NEK11: variants seen among roughly 807,000 people sequenced by gnomAD.
The protein encoded by NEK11 is serine/threonine-protein kinase Nek11.
A neutral mutation model predicts 80.7 loss-of-function variants in NEK11; 72 were observed. That is an observed-to-expected ratio of 0.89 (90% confidence interval 0.74 to 1.08). The LOEUF is 1.08. Ranked by LOEUF, NEK11 falls within the 50% of genes least tolerant of loss-of-function variation. NEK11 has a pLI of 0.00. For synonymous variants in NEK11, 251 were observed against 260.7 expected (o/e 0.96, Z 0.36); for missense variants, 764 against 763.6 (o/e 1.00, Z -0.01).
chr3:131,149,711 G>A (rs1460812755), intron 7 of NEK11, among the ~76,000 whole-genome samples: 1 of 152,052 alleles, frequency 6.6e-6, no homozygotes, highest in African/African-American at 2.4e-5. Context: ...GGAATCTACA[G>A]TGTTGCACTT....
At chr3:131,200,634 T>G (rs1224996765) in intron 14 of NEK11, among the ~76,000 whole-genome samples, 1 of 152,234 alleles carries the variant, frequency 6.6e-6, no homozygotes, top group Non-Finnish European at 1.5e-5. Context: ...GAAAGGACTA[T>G]CAGGCCTCTC....
At chr3:131,050,850 G>T (rs1178652234) in intron 3 of NEK11, among the ~76,000 whole-genome samples, 1 of 145,198 alleles carries the variant, frequency 6.9e-6, no homozygotes, top group African/African-American at 2.6e-5. Context: ...GCAACATTGG[G>T]AGACTCTGTC....
chr3:131,056,436 G>GGTTA (rs978902289), intron 3 of NEK11, among the ~76,000 whole-genome samples: 1 of 152,114 alleles, frequency 6.6e-6, no homozygotes, highest in Non-Finnish European at 1.5e-5. Flanking sequence ...CCCTTATCAT[G>GGTTA]GTTAGATATG....
intron 17 of NEK11, among the ~76,000 whole-genome samples, chr3:131,339,531 A>G (rs1273356843): frequency 6.6e-6 from 1 of 152,200 alleles, no homozygotes; most frequent in African/African-American, 2.4e-5. Context: ...AGAAGCTAAC[A>G]GCTGCTTTGA....
intron 4 of NEK11, chr3:131,092,958 G>A (rs2076939013): frequency 6.6e-6 from 1 of 152,180 alleles, no homozygotes; most frequent in Non-Finnish European, 1.5e-5. Context: ...CACAAATTAA[G>A]AGATACAGAA....
At chr3:131,335,514 C>T (rs151041088) in intron 17 of NEK11, among the ~76,000 whole-genome samples, 8,266 of 152,258 alleles carry the variant, frequency 0.054, 727 homozygotes, top group African/African-American at 0.19. Context: ...CAATATCATA[C>T]TGAATGGGCA....
chr3:131,135,946 C>T (rs2085475976), intron 7 of NEK11, among the ~76,000 whole-genome samples: 5 of 151,906 alleles, frequency 3.3e-5, no homozygotes, highest in Admixed American at 3.3e-4. Flanking sequence ...GTATTTGTCT[C>T]AGTTATGTCA....
intron 14 of NEK11, among the ~76,000 whole-genome samples, chr3:131,205,273 G>A (rs975950733): frequency 6.6e-6 from 1 of 152,102 alleles, no homozygotes; most frequent in African/African-American, 2.4e-5. Context: ...CCAAAGTGTT[G>A]ACAGCCAACA....
At chr3:131,163,134 G>A (rs2091840898) in intron 11 of NEK11, among the ~76,000 whole-genome samples, 1 of 152,168 alleles carries the variant, frequency 6.6e-6, no homozygotes, top group South Asian at 2.1e-4. Flanking sequence ...TGCAGTAGTG[G>A]TGAGAATGTA....
In NEK11 at chr3:131,300,063, T is replaced by C. The variant is rs6791256; in HGVS notation, c.1718+26489T>C. Among the ~76,000 whole-genome samples, 1,442 of 152,312 alleles carry C rather than the reference T, an allele frequency of 9.5e-3. 31 individuals are homozygous for C. The highest frequency in any genetic ancestry group is 0.033 in the African/African-American group (1,358 of 41,566). ...CTGTTATTTTCTGACTTTTTAATAA[T>C]AGCCATTGTGACTGGTGGGAAATGG... is the stretch of plus-strand genomic sequence containing the variant. On this transcript the variant is annotated intron_variant, in intron 17 of 17. Transcript: ENST00000383366.
intron 15 of NEK11, among the ~76,000 whole-genome samples, chr3:131,242,002 C>G (rs920916676): frequency 3.3e-5 from 5 of 152,016 alleles, no homozygotes; most frequent in Non-Finnish European, 7.4e-5. Context: ...AAGGGAGATT[C>G]CTTCAGATAT....
chr3:131,227,501 T>C (rs772514279), intron 14 of NEK11, among the ~76,000 whole-genome samples: 1 of 152,116 alleles, frequency 6.6e-6, no homozygotes, highest in Non-Finnish European at 1.5e-5. Context: ...CAAATTTTCA[T>C]CTAAAAAGTG....
At chr3:131,040,645 C>A (rs1262847768) in intron 3 of NEK11, among the ~76,000 whole-genome samples, 1 of 152,062 alleles carries the variant, frequency 6.6e-6, no homozygotes, top group Admixed American at 6.6e-5. Flanking sequence ...GGGTTCATAC[C>A]AGCCAATTTT....
intron 17 of NEK11, among the ~76,000 whole-genome samples, chr3:131,319,773 A>G (rs1259158306): frequency 6.6e-6 from 1 of 152,182 alleles, no homozygotes; most frequent in Non-Finnish European, 1.5e-5. Flanking sequence ...TCCTGAATCT[A>G]TAACTGAACC....
intron 17 of NEK11, among the ~76,000 whole-genome samples, chr3:131,336,487 A>C (rs140144187): frequency 0.021 from 3,135 of 152,330 alleles, 104 homozygotes; most frequent in African/African-American, 0.071. Flanking sequence ...TTAAAGACTT[A>C]AACATTAGAC....
At chr3:131,144,303 T>C (rs1049876662) in intron 7 of NEK11, among the ~76,000 whole-genome samples, 11 of 152,156 alleles carry the variant, frequency 7.2e-5, no homozygotes, top group Non-Finnish European at 1.2e-4. Context: ...CTCTTCACAG[T>C]TGTCTGTATT....
intron 14 of NEK11, among the ~76,000 whole-genome samples, chr3:131,219,200 A>G (rs1195433895): frequency 6.6e-6 from 1 of 152,238 alleles, no homozygotes; most frequent in Non-Finnish European, 1.5e-5. Context: ...ATAACATGGA[A>G]TACTATGCAG....
At chr3:131,196,356 A>G (rs1156379923) in intron 14 of NEK11, among the ~76,000 whole-genome samples, 3 of 152,196 alleles carry the variant, frequency 2.0e-5, no homozygotes, top group Non-Finnish European at 2.9e-5. Context: ...ACACACAAAA[A>G]TAAATTTCAG....
At chr3:131,133,508 A>G (rs578056472) in intron 6 of NEK11, among the ~76,000 whole-genome samples, 9 of 152,178 alleles carry the variant, frequency 5.9e-5, no homozygotes, top group Admixed American at 1.3e-4. Context: ...CAGTTTTTCC[A>G]AAATCATTCT....
Sources: allele counts gnomAD v4.1 joint callset (sites outside exome capture counted in the v4.1 genomes callset), GRCh38; gene constraint gnomAD v4.1.1; transcripts MANE v1.5; gene names NCBI Gene and HGNC (gene_info 2026-07-23, HGNC 2026-07-21).